XKR9: variants seen among roughly 807,000 people sequenced by gnomAD.
The protein encoded by XKR9 is XK related 9, also known as XK-related protein 9.
Under a neutral mutation model 32.0 loss-of-function variants are expected in XKR9, and 32 were observed. That is an observed-to-expected ratio of 1.00 (90% confidence interval 0.76 to 1.34). The LOEUF is 1.34. XKR9 is among the 40% of genes most tolerant of loss of function. XKR9 has a pLI of 0.00. For synonymous variants in XKR9, 168 were observed against 143.4 expected (o/e 1.17, Z -1.22); for missense variants, 546 against 429.7 (o/e 1.27, Z -2.39).
chr8:70,788,204 C>G (rs971228575), intron 2 of XKR9, among the ~76,000 whole-genome samples: 1 of 152,084 alleles, frequency 6.6e-6, no homozygotes, highest in Admixed American at 6.6e-5. Context: ...ACCAACCCTA[C>G]AACGTAGTTC....
chr8:71,041,980 A>C, the XKR9 span, among the ~76,000 whole-genome samples: 1 of 152,166 alleles, frequency 6.6e-6, no homozygotes, highest in East Asian at 1.9e-4. Flanking sequence ...TCCTCTGAGG[A>C]GGAAATATGC....
At chr8:70,810,984 T>C in the XKR9 span, among the ~76,000 whole-genome samples, 8 of 152,176 alleles carry the variant, frequency 5.3e-5, no homozygotes, top group Non-Finnish European at 1.2e-4. Context: ...CAACAGAATG[T>C]ACATTCTTTT....
At chr8:70,805,356 C>G in the XKR9 span, among the ~76,000 whole-genome samples, 5 of 152,250 alleles carry the variant, frequency 3.3e-5, no homozygotes, top group Non-Finnish European at 7.3e-5. Flanking sequence ...TCTCAACAGT[C>G]TAGCAGCTGG....
intron 2 of XKR9, among the ~76,000 whole-genome samples, chr8:70,765,301 G>T (rs1368966901): frequency 1.3e-5 from 2 of 152,154 alleles, no homozygotes; most frequent in African/African-American, 2.4e-5. Context: ...GGCGTGAGAT[G>T]GTATCTCATT....
intron 4 of XKR9, among the ~76,000 whole-genome samples, chr8:70,727,493 C>T (rs1265214277): frequency 3.3e-5 from 5 of 151,938 alleles, no homozygotes; most frequent in South Asian, 2.1e-4. Context: ...CTCCGCCTCC[C>T]GGATTCAGTC....
the XKR9 span, among the ~76,000 whole-genome samples, chr8:70,981,595 C>G: frequency 6.6e-6 from 1 of 152,086 alleles, no homozygotes; most frequent in Non-Finnish European, 1.5e-5. Context: ...TTCTCTGGTG[C>G]CTCGCTGATT....
intron 2 of XKR9, among the ~76,000 whole-genome samples, chr8:70,754,825 G>C (rs1171062946): frequency 6.6e-6 from 1 of 151,970 alleles, no homozygotes; most frequent in Non-Finnish European, 1.5e-5. Context: ...AGAAAACCTA[G>C]GCATTACCAT....
At chr8:70,898,578 C>T in the XKR9 span, among the ~76,000 whole-genome samples, 1 of 152,054 alleles carries the variant, frequency 6.6e-6, no homozygotes, top group Non-Finnish European at 1.5e-5. Context: ...TCCTCTTTGA[C>T]CTATGGCTTA....
At chr8:70,725,180 C>T (rs1806421345) in intron 4 of XKR9, among the ~76,000 whole-genome samples, 2 of 152,148 alleles carry the variant, frequency 1.3e-5, no homozygotes, top group South Asian at 4.1e-4. Flanking sequence ...CCCTCCGGGT[C>T]CCTCCCATGA....
At position 70,776,947 on chromosome 8, in the gene XKR9, C is replaced by CTCTCTCTATATA; in HGVS notation, n.353-12391_353-12390insCTCTCTATATAT. 3.0e-3 allele frequency among the ~76,000 whole-genome samples: 162 copies of CTCTCTCTATATA among 54,208 alleles called. 2 individuals are homozygous for CTCTCTCTATATA. The highest frequency in any genetic ancestry group is 0.018 in the South Asian group (30 of 1,650). 35.6% of individuals were successfully genotyped at this position (54,208 alleles called of 152,430 possible). ...TTTCTCTCTCTCTCTCTCTCTCTCT[C>CTCTCTCTATATA]TATATATATATATATATGTATGTAT... On this transcript the variant is annotated intron_variant and non_coding_transcript_variant, in intron 2 of 3. Coordinates refer to the XKR9 transcript ENST00000520273.
chr8:70,696,152 A>G (rs1175337133), intron 3 of XKR9, among the ~76,000 whole-genome samples: 9 of 151,608 alleles, frequency 5.9e-5, no homozygotes, highest in African/African-American at 2.2e-4. Context: ...CTCTGATGGT[A>G]GTTTCTTTTG....
chr8:70,740,580 T>G (rs1422326543), downstream of XKR9, among the ~76,000 whole-genome samples: 5 of 145,524 alleles, frequency 3.4e-5, no homozygotes, highest in Non-Finnish European at 6.2e-5. Context: ...TCTGTTTTTT[T>G]CCCCATCTTT....
At chr8:70,723,426 C>T (rs1021974103) in intron 4 of XKR9, among the ~76,000 whole-genome samples, 8 of 152,128 alleles carry the variant, frequency 5.3e-5, no homozygotes, top group Non-Finnish European at 1.2e-4. Flanking sequence ...GCTGGTTATT[C>T]CTCATCTTCG....
the XKR9 span, among the ~76,000 whole-genome samples, chr8:70,814,720 A>C: frequency 2.4e-4 from 36 of 152,352 alleles, no homozygotes; most frequent in African/African-American, 8.4e-4. Context: ...GTTGTTCAAC[A>C]TTGCTAGTAC....
rs757899855 is a variant in XKR9, at chr8:70,733,899, A to G, written c.597A>G (p.Leu199=). Residue 199 remains leucine (L), a synonymous_variant, in exon 5 of 5, where the codon TTA becomes TTG. Transcript: ENST00000408926. ...CTGACAAAAAGCTTCTTAATGGATT[A>G]TGTCCCAAAATCACATATCTCTTTT... is the stretch of plus-strand genomic sequence containing the variant. The part of the protein sequence containing the change: ...SLPDKKLLNG[L]CPKITYLFYK... 5 of 1,612,778 alleles carry G rather than the reference A, an allele frequency of 3.1e-6. No homozygotes were observed. In the African/African-American group the frequency reaches 4.0e-5, roughly 13 times the overall value.
chr8:70,758,840 A>G (rs779616134), intron 2 of XKR9, among the ~76,000 whole-genome samples: 6 of 152,240 alleles, frequency 3.9e-5, no homozygotes, highest in Non-Finnish European at 7.3e-5. Flanking sequence ...ACAGAGTAAC[A>G]GCAAAGCTCT....
chr8:70,678,935 G>T (rs1279212584), intron 2 of XKR9, among the ~76,000 whole-genome samples: 3 of 152,180 alleles, frequency 2.0e-5, no homozygotes, highest in Non-Finnish European at 4.4e-5. Context: ...TGTGTTAACT[G>T]GTCTGGCTGC....
the XKR9 span, among the ~76,000 whole-genome samples, chr8:71,053,797 C>T: frequency 2.6e-5 from 4 of 152,210 alleles, no homozygotes; most frequent in African/African-American, 9.6e-5. Flanking sequence ...TAGTGGAACA[C>T]AGGGAAGTGA....
At chr8:70,740,118 A>G (rs1264037063), downstream of XKR9, among the ~76,000 whole-genome samples, 1 of 152,076 alleles carries the variant, frequency 6.6e-6, no homozygotes, top group African/African-American at 2.4e-5. Flanking sequence ...TCAGATGTAG[A>G]TTTGGTCTTT....
Sources: gnomAD v4.1 joint callset for allele counts (sites outside exome capture counted in the v4.1 genomes callset) on GRCh38, gnomAD v4.1.1 for gene constraint, MANE v1.5 for transcripts, NCBI Gene and HGNC (gene_info 2026-07-23, HGNC 2026-07-21) for gene names.